Variants in ZSWIM6 observed in about 807,000 individuals in gnomAD.
ZSWIM6 encodes zinc finger SWIM-type containing 6, also known as zinc finger SWIM domain-containing protein 6.
ZSWIM6 carries 9 observed loss-of-function variants against 113.2 expected under a neutral mutation model. The observed-to-expected ratio is 0.08, with a 90% CI of 0.05 to 0.14. The LOEUF is 0.14. Among genes scored for constraint, ZSWIM6 ranks in the 10% least tolerant of loss-of-function variants. ZSWIM6 has a pLI of 1.00. For synonymous variants in ZSWIM6, 611 were observed against 606.5 expected, an observed-to-expected ratio of 1.01 and a Z score of -0.11; for missense variants, 1,162 against 1,552.2, an observed-to-expected ratio of 0.75 and a Z score of 4.22.
At chr5:61,438,712 A>T (rs940902690) in intron 1 of ZSWIM6, among the ~76,000 whole-genome samples, 27 of 152,210 alleles carry the variant, frequency 1.8e-4, no homozygotes, top group Non-Finnish European at 5.9e-5. Context: ...CATGTAAAAT[A>T]GTACGCTTTC....
At chr5:61,480,942 C>T (rs968506916) in intron 2 of ZSWIM6, among the ~76,000 whole-genome samples, 1 of 152,148 alleles carries the variant, frequency 6.6e-6, no homozygotes, top group Non-Finnish European at 1.5e-5. Context: ...CCAAAAGTGG[C>T]TGAATTAATC....
At chr5:61,382,442 C>T (rs541365318) in intron 1 of ZSWIM6, among the ~76,000 whole-genome samples, 70 of 152,258 alleles carry the variant, frequency 4.6e-4, no homozygotes, top group African/African-American at 1.7e-3. Flanking sequence ...GCCAACGGTT[C>T]TTTCTTTAAT....
intron 1 of ZSWIM6, among the ~76,000 whole-genome samples, chr5:61,402,441 C>G (rs1745956741): frequency 6.6e-6 from 1 of 151,820 alleles, no homozygotes; most frequent in South Asian, 2.1e-4. Flanking sequence ...GATTTGTTTT[C>G]TGATTTATAT....
chr5:61,522,417 T>A lies in ZSWIM6; in HGVS notation c.1513+975T>A, dbSNP rs137974348. Among the ~76,000 whole-genome samples, 608 of 152,356 alleles carry A rather than the reference T, an allele frequency of 4.0e-3. 4 individuals carry two copies. Among genetic ancestry groups the A allele is most frequent in the South Asian group, 0.021 (100 of 4,830 alleles). On this transcript the variant is annotated intron_variant, in intron 5 of 13. Coordinates refer to ENST00000252744, the MANE Select transcript of ZSWIM6 (RefSeq NM_020928.2). ...GATTCAGAGTCAAGACTACATTCTC[T>A]ATGTACTAGCCACATGCTGAATTTG... is the stretch of plus-strand genomic sequence containing the variant.
rs970423657 is a variant in ZSWIM6, at chr5:61,544,529, T to A, written c.*212T>A. 6 of 266,686 alleles carry A rather than the reference T, an allele frequency of 2.2e-5. No homozygotes were observed. The highest frequency in any genetic ancestry group is 5.0e-5 in the Admixed American group (1 of 19,960). The allele number at this position is 266,686 out of a possible 1,614,324, so 16.5% of individuals were successfully genotyped here. Reference sequence around the variant, plus strand: ...TATTTCTTTCTTTCCTTTATTTTATTATTTTTTTTAATTTTTTTTTTCTGG... The same window carrying A: ...TATTTCTTTCTTTCCTTTATTTTATAATTTTTTTTAATTTTTTTTTTCTGG... On this transcript the variant is annotated 3_prime_UTR_variant, in exon 14 of 14. Transcript: ENST00000252744.
At chr5:61,370,559 G>A (rs1402377069) in intron 1 of ZSWIM6, among the ~76,000 whole-genome samples, 1 of 152,124 alleles carries the variant, frequency 6.6e-6, no homozygotes, top group African/African-American at 2.4e-5. Context: ...TCTTATTTTG[G>A]ACATTTAAAT....
At chr5:61,485,621 TACTC>T (rs1366719029) in intron 2 of ZSWIM6, among the ~76,000 whole-genome samples, 2 of 152,184 alleles carry the variant, frequency 1.3e-5, no homozygotes, top group African/African-American at 4.8e-5. Flanking sequence ...CATATCCACT[TACTC>T]ACCAAGTTCT....
At chr5:61,380,953 A>G (rs893417974) in intron 1 of ZSWIM6, among the ~76,000 whole-genome samples, 2 of 121,114 alleles carry the variant, frequency 1.7e-5, no homozygotes, top group Non-Finnish European at 3.9e-5. Flanking sequence ...AAAAAAAAAG[A>G]AAAAAAAAAT....
intron 4 of ZSWIM6, among the ~76,000 whole-genome samples, chr5:61,519,551 AT>A (rs1247987976): frequency 6.7e-6 from 1 of 150,326 alleles, no homozygotes; most frequent in Non-Finnish European, 1.5e-5. Context: ...TAGTTTTTGT[AT>A]TTTGTCCAAA....
chr5:61,449,824 A>G (rs1430710866), intron 1 of ZSWIM6, among the ~76,000 whole-genome samples: 2 of 152,108 alleles, frequency 1.3e-5, no homozygotes, highest in Non-Finnish European at 2.9e-5. Context: ...AGGAGAAGCA[A>G]ATGGGAAGGC....
chr5:61,336,104 AAT>A (rs1405373279), intron 1 of ZSWIM6, among the ~76,000 whole-genome samples: 1 of 152,046 alleles, frequency 6.6e-6, no homozygotes, highest in African/African-American at 2.4e-5. Flanking sequence ...CCCTACCAAA[AAT>A]AGAAGAACTT....
chr5:61,385,266 G>A (rs1287513815), intron 1 of ZSWIM6, among the ~76,000 whole-genome samples: 1 of 152,192 alleles, frequency 6.6e-6, no homozygotes, highest in Non-Finnish European at 1.5e-5. Context: ...ATCAAAAGTG[G>A]TAAAAGGGAA....
intron 1 of ZSWIM6, among the ~76,000 whole-genome samples, chr5:61,364,274 A>G (rs1430352630): frequency 5.3e-5 from 8 of 152,130 alleles, no homozygotes; most frequent in Admixed American, 5.2e-4. Context: ...AAGTAACATA[A>G]TTCTAAAATT....
At chr5:61,424,791 G>A (rs949204104) in intron 1 of ZSWIM6, among the ~76,000 whole-genome samples, 8 of 148,980 alleles carry the variant, frequency 5.4e-5, no homozygotes, top group Non-Finnish European at 1.0e-4. Flanking sequence ...GCAGTGGTGC[G>A]ATCTCGGCTC....
intron 1 of ZSWIM6, among the ~76,000 whole-genome samples, chr5:61,337,126 C>A (rs1274856310): frequency 2.0e-5 from 3 of 152,020 alleles, no homozygotes; most frequent in Non-Finnish European, 4.4e-5. Context: ...ACTAAAAATA[C>A]AAAAATTAGC....
chr5:61,483,970 G>A (rs1211848151), intron 2 of ZSWIM6, among the ~76,000 whole-genome samples: 1 of 151,886 alleles, frequency 6.6e-6, no homozygotes, highest in Non-Finnish European at 1.5e-5. Flanking sequence ...TATACATTGT[G>A]TAATTCAAGT....
chr5:61,522,912 A>G (rs940593772), intron 5 of ZSWIM6, among the ~76,000 whole-genome samples: 3 of 152,080 alleles, frequency 2.0e-5, no homozygotes, highest in African/African-American at 7.2e-5. Flanking sequence ...TTTACATTCC[A>G]TTTATTCTGT....
intron 1 of ZSWIM6, among the ~76,000 whole-genome samples, chr5:61,403,787 GT>G (rs1161838573): frequency 6.6e-6 from 1 of 151,910 alleles, no homozygotes; most frequent in Non-Finnish European, 1.5e-5. Context: ...AGAGGAAGCA[GT>G]TTTTAATGTG....
intron 4 of ZSWIM6, among the ~76,000 whole-genome samples, chr5:61,495,685 A>G (rs1748297077): frequency 1.3e-5 from 2 of 152,186 alleles, no homozygotes. Flanking sequence ...TGTGGTGGTT[A>G]AATAACACAA....
Sources: allele counts gnomAD v4.1 joint callset (sites outside exome capture counted in the v4.1 genomes callset), GRCh38; gene constraint gnomAD v4.1.1; transcripts MANE v1.5; gene names NCBI Gene and HGNC (gene_info 2026-07-23, HGNC 2026-07-21).